MEIS2: variants seen among roughly 807,000 people sequenced by gnomAD.
MEIS2 encodes the protein homeobox protein Meis2.
In MEIS2, 9 loss-of-function variants were observed where a neutral mutation model predicts 58.6. The observed-to-expected ratio is 0.15, with a 90% CI of 0.09 to 0.27. The LOEUF (loss-of-function observed/expected upper bound fraction) is 0.27, where lower values mean the gene tolerates loss of function less well. Ranked by LOEUF, MEIS2 falls within the 10% of genes least tolerant of loss-of-function variation. MEIS2 has a pLI of 1.00. For synonymous variants in MEIS2, 221 were observed against 228.4 expected, an observed-to-expected ratio of 0.97 and a Z score of 0.29; for missense variants, 427 against 635.0, an observed-to-expected ratio of 0.67 and a Z score of 3.52.
intron 9 of MEIS2, 27 bp from the exon 10 acceptor site, chr15:36,896,713 A>G: frequency 6.3e-7 from 1 of 1,599,260 alleles, no homozygotes; most frequent in Non-Finnish European, 8.6e-7. Flanking sequence ...AAGTCCAGTC[A>G]TCATACTCCG....
chr15:36,924,248 G>T (rs906300665), intron 9 of MEIS2, among the ~76,000 whole-genome samples: 31 of 152,270 alleles, frequency 2.0e-4, no homozygotes, highest in African/African-American at 7.2e-4. Context: ...GTCTTGAATG[G>T]CTGCCAACTA....
At chr15:37,070,028 A>G (rs1567254753) in intron 7 of MEIS2, among the ~76,000 whole-genome samples, 1 of 152,176 alleles carries the variant, frequency 6.6e-6, no homozygotes, top group Non-Finnish European at 1.5e-5. Flanking sequence ...GCATCAAGCT[A>G]GTTGTTAATA....
chr15:36,932,786 A>T (rs1055548756), intron 9 of MEIS2, among the ~76,000 whole-genome samples: 5 of 152,184 alleles, frequency 3.3e-5, no homozygotes, highest in African/African-American at 1.2e-4. Flanking sequence ...CAGAACTAGT[A>T]TATTACAGCC....
chr15:37,056,155 TAG>T (rs1437818350), intron 7 of MEIS2, among the ~76,000 whole-genome samples: 2 of 152,214 alleles, frequency 1.3e-5, no homozygotes, highest in East Asian at 1.9e-4. Context: ...CAATTTTCTA[TAG>T]AGAGTCTTTC....
At chr15:37,005,383 A>G (rs1185889109) in intron 8 of MEIS2, among the ~76,000 whole-genome samples, 1 of 152,242 alleles carries the variant, frequency 6.6e-6, no homozygotes, top group Non-Finnish European at 1.5e-5. Flanking sequence ...TGAAAGCACG[A>G]ATGGAACAAT....
At chr15:37,076,992 G>T (rs1407094407) in intron 7 of MEIS2, among the ~76,000 whole-genome samples, 1 of 152,030 alleles carries the variant, frequency 6.6e-6, no homozygotes, top group Non-Finnish European at 1.5e-5. Context: ...CCAAAGATAA[G>T]ATACATCTGT....
Position 36,972,025 on chromosome 15 carries a change from T to C in MEIS2, c.901-21625A>G, listed in dbSNP as rs543099880. Among the ~76,000 whole-genome samples the C allele has an allele frequency of 2.7e-4, 41 of 152,294 alleles. No homozygotes were observed. In the South Asian group the frequency reaches 8.1e-3, roughly 30 times the overall value. ...ATCTCAATGGAATATGATAAAGACA[T>C]TGCAATATCAATAGGAGAACAATAT... On this transcript the variant is annotated intron_variant, in intron 8 of 11. Transcript: ENST00000561208.
intron 8 of MEIS2, among the ~76,000 whole-genome samples, chr15:37,015,822 T>C (rs76887504): frequency 1.4e-3 from 206 of 152,274 alleles, no homozygotes; most frequent in Non-Finnish European, 2.1e-3. Context: ...CTAGATATCC[T>C]CGTGGTGGTG....
Position 36,896,648 on chromosome 15 carries a change from A to G in MEIS2, c.1016T>C (p.Ile339Thr), listed in dbSNP as rs1372284638. 6.2e-7 allele frequency: 1 copy of G among 1,613,768 alleles called. No individual in the cohort carries two copies. The highest frequency in any genetic ancestry group is 8.5e-7 in the Non-Finnish European group (1 of 1,179,860). The part of the protein sequence containing the change: ...NARRRIVQPM[I>T]DQSNRAGFLL... ...CTTGCCTGCTCGATTTGACTGGTCAATCATGGGCTGTACTATTCTTCTTCT... is the reference window on the plus strand; with the variant it reads ...CTTGCCTGCTCGATTTGACTGGTCAGTCATGGGCTGTACTATTCTTCTTCT... The change falls in exon 10 of 12, where the codon ATT becomes ACT. Residue 339 changes from isoleucine (I) to threonine (T), a missense_variant. By Grantham distance (89) the Ile-to-Thr change is moderately conservative. Around this residue, in one of 6 missense-constraint regions of MEIS2, gnomAD observed 19 missense variants for 37.3 expected, o/e 0.51. Coordinates refer to ENST00000561208, the MANE Select transcript of MEIS2 (RefSeq NM_170675.5).
intron 11 of MEIS2, among the ~76,000 whole-genome samples, chr15:36,892,848 G>A (rs935153000): frequency 9.2e-5 from 14 of 152,164 alleles, no homozygotes; most frequent in African/African-American, 3.1e-4. Flanking sequence ...GACAAAAATT[G>A]TAGATAGTAG....
At chr15:36,903,219 T>G (rs1207697643) in intron 9 of MEIS2, among the ~76,000 whole-genome samples, 1 of 152,196 alleles carries the variant, frequency 6.6e-6, no homozygotes, top group Non-Finnish European at 1.5e-5. Context: ...GTTACGATTT[T>G]GAAGCACTGT....
Position 36,891,422 on chromosome 15 carries a change from G to C in MEIS2, c.*751C>G, listed in dbSNP as rs2055850405. 6.6e-6 allele frequency: 1 copy of C among 152,188 alleles called. No individual in the cohort carries two copies. The highest frequency in any genetic ancestry group is 6.5e-5 in the Admixed American group (1 of 15,268). The allele number at this position is 152,188 out of a possible 1,614,324, so 9.4% of individuals were successfully genotyped here. A position where few individuals can be genotyped will look rare whatever the true frequency, so the allele number is the denominator to read the frequency against. ...ACCATTAATAACTTTTTTTTGTGTT[G>C]AGGAAAGCTGCCCAACTTAAGATTG... On this transcript the variant is annotated 3_prime_UTR_variant, in exon 12 of 12. Transcript: ENST00000561208.
intron 8 of MEIS2, among the ~76,000 whole-genome samples, chr15:37,000,161 G>C (rs2060669170): frequency 6.6e-6 from 1 of 152,156 alleles, no homozygotes; most frequent in Non-Finnish European, 1.5e-5. Flanking sequence ...AGGCCTCAGT[G>C]TCTCAATTGG....
chr15:36,922,450 T>G (rs1458796237), intron 9 of MEIS2, among the ~76,000 whole-genome samples: 1 of 151,392 alleles, frequency 6.6e-6, no homozygotes, highest in Non-Finnish European at 1.5e-5. Context: ...CATTTTACGT[T>G]TTAACTACTA....
chr15:36,983,206 C>A (rs1209957142), intron 8 of MEIS2, among the ~76,000 whole-genome samples: 2 of 151,900 alleles, frequency 1.3e-5, no homozygotes, highest in African/African-American at 4.8e-5. Flanking sequence ...GAGTCATATC[C>A]AAAAAAATCA....
chr15:36,893,725 T>C (rs1293791640), intron 11 of MEIS2, among the ~76,000 whole-genome samples: 1 of 152,184 alleles, frequency 6.6e-6, no homozygotes, highest in Non-Finnish European at 1.5e-5. Flanking sequence ...TTAGGGAACA[T>C]TGCTTTCTAC....
intron 8 of MEIS2, among the ~76,000 whole-genome samples, chr15:36,971,034 T>C (rs981697600): frequency 2.1e-5 from 3 of 142,410 alleles, no homozygotes; most frequent in African/African-American, 8.0e-5. Flanking sequence ...GTTCAAAGAA[T>C]AGGAAAAAAA....
rs181437630 is a variant in MEIS2 at position 37,020,284 on chromosome 15, G to A, written c.900+16530C>T. Among the ~76,000 whole-genome samples, 149 of 152,132 alleles carry A rather than the reference G, an allele frequency of 9.8e-4. 1 individual carries two copies. In the East Asian group the frequency reaches 0.01, roughly 11 times the overall value. On this transcript the variant is annotated intron_variant, in intron 8 of 11. Coordinates refer to ENST00000561208, the MANE Select transcript of MEIS2 (RefSeq NM_170675.5). ...GAAATGAGTCTCGTCTGCTGACCTC[G>A]CTTCCCTCAGTCCTTACCCTCCCTG...
At chr15:36,930,113 G>A (rs906281305) in intron 9 of MEIS2, among the ~76,000 whole-genome samples, 1 of 149,168 alleles carries the variant, frequency 6.7e-6, no homozygotes, top group African/African-American at 2.5e-5. Flanking sequence ...TGAGGCAGGA[G>A]AATTGTTTGA....
Sources: allele counts gnomAD v4.1 joint callset (sites outside exome capture counted in the v4.1 genomes callset), GRCh38; gene constraint gnomAD v4.1.1; regional missense constraint gnomAD v4.1.1; transcripts MANE v1.5; gene names NCBI Gene and HGNC (gene_info 2026-07-23, HGNC 2026-07-21).